The following ST6GALNAC3 variants were observed in gnomAD, a reference collection of about 807,000 sequenced individuals.
ST6GALNAC3 encodes alpha-N-acetylgalactosaminide alpha-2,6-sialyltransferase 3.
Under a neutral mutation model 32.7 loss-of-function variants are expected in ST6GALNAC3, and 25 were observed. That is an observed-to-expected ratio of 0.76 (90% CI 0.56 to 1.07). The LOEUF (loss-of-function observed/expected upper bound fraction) is 1.07, where lower values mean the gene tolerates loss of function less well. ST6GALNAC3 is among the 50% of genes least tolerant of loss of function. The pLI is 0.00. For synonymous variants in ST6GALNAC3, 129 were observed against 133.1 expected (o/e 0.97, Z 0.21); for missense variants, 355 against 382.4 (o/e 0.93, Z 0.60).
At chr1:76,272,058 T>G (rs1201830979) in intron 1 of ST6GALNAC3, among the ~76,000 whole-genome samples, 3 of 151,932 alleles carry the variant, frequency 2.0e-5, no homozygotes, top group African/African-American at 7.3e-5. Context: ...CCGGGCGCGG[T>G]GGCTCACGCC....
At chr1:76,312,580 A>T (rs1206932527) in intron 1 of ST6GALNAC3, among the ~76,000 whole-genome samples, 4 of 152,094 alleles carry the variant, frequency 2.6e-5, no homozygotes, top group South Asian at 2.1e-4. Context: ...ATTTACAAAA[A>T]AAAAATAAAA....
At chr1:76,341,664 T>TCTTTCTTC in intron 2 of ST6GALNAC3, among the ~76,000 whole-genome samples, 2 of 147,822 alleles carry the variant, frequency 1.4e-5, no homozygotes, top group Non-Finnish European at 3.0e-5. Flanking sequence ...TTTCTTTCTT[T>TCTTTCTTC]CTTTCTTTCT....
At chr1:76,381,618 T>C (rs765656981) in intron 2 of ST6GALNAC3, among the ~76,000 whole-genome samples, 9 of 151,988 alleles carry the variant, frequency 5.9e-5, no homozygotes, top group Non-Finnish European at 1.3e-4. Flanking sequence ...GGCTAGCATT[T>C]GAAAGATCAA....
At chr1:76,251,095 T>G (rs1348881594) in intron 1 of ST6GALNAC3, among the ~76,000 whole-genome samples, 1 of 151,770 alleles carries the variant, frequency 6.6e-6, no homozygotes, top group Non-Finnish European at 1.5e-5. Flanking sequence ...CTCCTACCCT[T>G]TTTTTTTATC....
chr1:76,293,987 AC>A (rs1660244343), intron 1 of ST6GALNAC3, among the ~76,000 whole-genome samples: 1 of 152,176 alleles, frequency 6.6e-6, no homozygotes, highest in African/African-American at 2.4e-5. Context: ...GGTCATTTAT[AC>A]AAAACCGTTT....
rs921918353 is a variant in ST6GALNAC3 at position 76,220,331 on chromosome 1, A to G, written c.19-93474A>G. The stretch of plus-strand genomic sequence containing the variant: ...ACATTAAGGAAGATATGTGTATTAT[A>G]TAAGTAAATCCTCTTTGCTTACAGT... On this transcript the variant is annotated intron_variant, in intron 1 of 4. Transcript: ENST00000328299. Among the ~76,000 whole-genome samples, 7 of 152,348 alleles carry G rather than the reference A, an allele frequency of 4.6e-5. No homozygotes were observed. In the South Asian group the frequency reaches 6.2e-4, roughly 14 times the overall value.
At chr1:76,184,524 C>CACACACACACACATACAA (rs1653416941) in intron 1 of ST6GALNAC3, among the ~76,000 whole-genome samples, 1 of 97,590 alleles carries the variant, frequency 1.0e-5, no homozygotes, top group Non-Finnish European at 2.4e-5. Flanking sequence ...GGGCAGCACA[C>CACACACACACACATACAA]ACACACACAC....
chr1:76,610,145 T>C (rs1647826821), intron 3 of ST6GALNAC3, among the ~76,000 whole-genome samples: 2 of 152,178 alleles, frequency 1.3e-5, no homozygotes, highest in African/African-American at 4.8e-5. Flanking sequence ...GCATGGGGAA[T>C]TATCATAGGA....
intron 3 of ST6GALNAC3, among the ~76,000 whole-genome samples, chr1:76,460,511 C>T (rs540917728): frequency 3.5e-4 from 53 of 152,248 alleles, no homozygotes; most frequent in African/African-American, 1.1e-3. Flanking sequence ...TATCTGGTTT[C>T]ACCTGTCAAG....
chr1:76,153,638 C>G (rs1319813074), intron 1 of ST6GALNAC3, among the ~76,000 whole-genome samples: 1 of 152,156 alleles, frequency 6.6e-6, no homozygotes, highest in Non-Finnish European at 1.5e-5. Flanking sequence ...TCAGATTTTT[C>G]TGTGTTTTGC....
At chr1:76,087,928 C>T (rs548470251) in intron 1 of ST6GALNAC3, among the ~76,000 whole-genome samples, 1 of 152,244 alleles carries the variant, frequency 6.6e-6, no homozygotes, top group Admixed American at 6.5e-5. Context: ...TTTAACAATC[C>T]TATTAGAAAT....
chr1:76,499,984 A>G (rs1381143808), intron 3 of ST6GALNAC3, among the ~76,000 whole-genome samples: 5 of 152,182 alleles, frequency 3.3e-5, no homozygotes, highest in Non-Finnish European at 5.9e-5. Context: ...TTATGCTCTA[A>G]TAGAAAGTTA....
chr1:76,361,615 T>C (rs1488186214), intron 2 of ST6GALNAC3, among the ~76,000 whole-genome samples: 1 of 152,210 alleles, frequency 6.6e-6, no homozygotes, highest in Admixed American at 6.5e-5. Context: ...AATATTTTTA[T>C]ACACTTGAAA....
At chr1:76,366,548 C>T (rs1240313716) in intron 2 of ST6GALNAC3, among the ~76,000 whole-genome samples, 2 of 152,124 alleles carry the variant, frequency 1.3e-5, no homozygotes, top group East Asian at 3.8e-4. Context: ...GTTCTAAGTC[C>T]TTTTCTATTT....
At chr1:76,454,465 T>C (rs1039232933) in intron 3 of ST6GALNAC3, among the ~76,000 whole-genome samples, 50 of 152,186 alleles carry the variant, frequency 3.3e-4, no homozygotes, top group African/African-American at 1.2e-3. Flanking sequence ...GCAGTTCTTA[T>C]AGTGCTAGCT....
At chr1:76,430,545 A>G (rs974107443) in intron 3 of ST6GALNAC3, among the ~76,000 whole-genome samples, 2 of 152,124 alleles carry the variant, frequency 1.3e-5, no homozygotes, top group African/African-American at 4.8e-5. Flanking sequence ...TGTCAAATAA[A>G]TCATTTAAGG....
intron 3 of ST6GALNAC3, among the ~76,000 whole-genome samples, chr1:76,556,327 C>T (rs1298235454): frequency 1.3e-5 from 2 of 152,050 alleles, no homozygotes; most frequent in Admixed American, 1.3e-4. Flanking sequence ...ATGAATAATG[C>T]TGCTATCAAC....
At chr1:76,375,264 A>T (rs1651132679) in intron 2 of ST6GALNAC3, among the ~76,000 whole-genome samples, 3 of 152,214 alleles carry the variant, frequency 2.0e-5, no homozygotes, top group Non-Finnish European at 2.9e-5. Flanking sequence ...TTGATTGTTA[A>T]AATGGGGTTG....
intron 1 of ST6GALNAC3, among the ~76,000 whole-genome samples, chr1:76,173,296 A>G (rs562022762): frequency 1.3e-5 from 2 of 152,348 alleles, no homozygotes; most frequent in East Asian, 3.9e-4. Context: ...AGAAAACTGA[A>G]GCTGGACCCC....
Sources: allele counts gnomAD v4.1 joint callset (sites outside exome capture counted in the v4.1 genomes callset), GRCh38; gene constraint gnomAD v4.1.1; transcripts MANE v1.5; gene names NCBI Gene and HGNC (gene_info 2026-07-23, HGNC 2026-07-21).